The following GABRA2 variants were observed in gnomAD, a reference collection of about 807,000 sequenced individuals.
GABRA2 encodes the protein gamma-aminobutyric acid receptor subunit alpha-2.
Under a neutral mutation model 48.7 loss-of-function variants are expected in GABRA2, and 16 were observed. The observed-to-expected ratio is 0.33, with a 90% CI of 0.22 to 0.50. The LOEUF is 0.50. GABRA2 is among the 20% of genes least tolerant of loss of function. The pLI is 0.98. For missense variants in GABRA2, 275 were observed against 535.6 expected (o/e 0.51, Z 4.80); for synonymous variants, 185 against 184.5 (o/e 1.00, Z -0.02).
chr4:46,250,933 A>G (rs1422780006), intron 9 of GABRA2, among the ~76,000 whole-genome samples: 1 of 151,562 alleles, frequency 6.6e-6, no homozygotes, highest in African/African-American at 2.4e-5. Context: ...TGTCAAATGA[A>G]TGACTGAATG....
At chr4:46,356,217 A>T (rs1387777685) in intron 3 of GABRA2, among the ~76,000 whole-genome samples, 1 of 152,112 alleles carries the variant, frequency 6.6e-6, no homozygotes, top group East Asian at 1.9e-4. Flanking sequence ...AATCAAAATC[A>T]GCTTTCTTTT....
intron 3 of GABRA2, among the ~76,000 whole-genome samples, chr4:46,358,157 G>A (rs1302594824): frequency 2.6e-5 from 4 of 152,160 alleles, no homozygotes; most frequent in African/African-American, 4.8e-5. Flanking sequence ...ATTGAGGGAA[G>A]GAGTGCCAGC....
At position 46,244,422 on chromosome 4, in the gene GABRA2, T is replaced by C. The variant is rs1436455926; in HGVS notation, c.*5886A>G. 6.6e-6 allele frequency among the ~76,000 whole-genome samples: 1 copy of C among 151,610 alleles called. No homozygotes were observed. Among genetic ancestry groups the C allele is most frequent in the Non-Finnish European group, 1.5e-5 (1 of 67,700 alleles). On this transcript the variant is annotated 3_prime_UTR_variant, in exon 10 of 10. Transcript: ENST00000381620. The stretch of plus-strand genomic sequence containing the variant: ...AGCCAATGCAACATAGTTTGCCTTT[T>C]GGCATCATGTTATGGCAAAGTCTTC...
At chr4:46,367,039 C>CA (rs1283644515) in intron 3 of GABRA2, 1 of 152,012 alleles carries the variant, frequency 6.6e-6, no homozygotes, top group African/African-American at 2.4e-5. Context: ...AAAGCAGTAA[C>CA]AGCAGGGGCT....
intron 8 of GABRA2, among the ~76,000 whole-genome samples, chr4:46,274,520 C>T (rs188179945): frequency 6.6e-6 from 1 of 152,118 alleles, no homozygotes; most frequent in Admixed American, 6.6e-5. Flanking sequence ...GAAAAATGGG[C>T]CTTAAAGGCA....
At chr4:46,264,956 G>C (rs1194596205) in intron 8 of GABRA2, among the ~76,000 whole-genome samples, 2 of 108,468 alleles carry the variant, frequency 1.8e-5, no homozygotes, top group African/African-American at 6.2e-5. Context: ...TAAATTTTTG[G>C]CATACAATTG....
chr4:46,382,193 C>CACATAT (rs34058486), intron 3 of GABRA2, among the ~76,000 whole-genome samples: 37 of 148,440 alleles, frequency 2.5e-4, no homozygotes, highest in African/African-American at 8.2e-4. Context: ...CACACACACA[C>CACATAT]ATATATATAT....
At position 46,257,743 on chromosome 4, in the gene GABRA2, G is replaced by C. The variant is rs1289671768; in HGVS notation, c.1059+4183C>G. Among the ~76,000 whole-genome samples, 5 of 150,058 alleles carry C rather than the reference G, an allele frequency of 3.3e-5. No individual in the cohort carries two copies. The South Asian group carries it at 6.2e-4, about 19-fold the overall frequency. ...CTGACAGTAATGTAGAGATAGATAA[G>C]AAGAAGACATGATTAAAAATAGAAA... is the stretch of plus-strand genomic sequence containing the variant. On this transcript the variant is annotated intron_variant, in intron 9 of 9. Coordinates refer to ENST00000381620, the MANE Select transcript of GABRA2 (RefSeq NM_000807.4).
intron 4 of GABRA2, among the ~76,000 whole-genome samples, chr4:46,321,214 T>C (rs1477303462): frequency 2.0e-5 from 3 of 151,848 alleles, no homozygotes; most frequent in African/African-American, 7.2e-5. Flanking sequence ...GAATAAAATG[T>C]TGGCAGTTAC....
chr4:46,255,260 A>T (rs1250023984), intron 9 of GABRA2, among the ~76,000 whole-genome samples: 1 of 138,672 alleles, frequency 7.2e-6, no homozygotes, highest in Non-Finnish European at 1.5e-5. Context: ...TATGATAAAA[A>T]TGTATATATA....
intron 9 of GABRA2, 34 bp from the exon 10 acceptor site, chr4:46,250,638 G>T (rs764404981): frequency 5.4e-6 from 8 of 1,489,426 alleles, no homozygotes; most frequent in Middle Eastern, 1.8e-4. Context: ...CAGAGTGTGG[G>T]TTGAGTCTGC....
chr4:46,332,613 A>T lies in GABRA2; in HGVS notation c.255+2T>A. The T allele has an allele frequency of 6.4e-7, 1 of 1,568,756 alleles. No individual in the cohort carries two copies. Among genetic ancestry groups the T allele is most frequent in the Non-Finnish European group, 8.8e-7 (1 of 1,139,364 alleles). On this transcript the variant is annotated splice_donor_variant, in intron 4 of 9. Transcript: ENST00000381620. LOFTEE classifies it high-confidence loss of function. ...AAAAATACTATTTAATGAAAAACTC[A>T]CCATATCTGTATCTGAGACAGGGCC... is the stretch of plus-strand genomic sequence containing the variant.
At chr4:46,310,327 A>C in intron 5 of GABRA2, 72 bp from the exon 6 acceptor site, 17 of 1,037,528 alleles carry the variant, frequency 1.6e-5, no homozygotes, top group Non-Finnish European at 2.3e-5. Context: ...CATTACTCTC[A>C]ACAGACTCGA....
At chr4:46,256,139 A>C (rs952195412) in intron 9 of GABRA2, 5 of 484,222 alleles carry the variant, frequency 1.0e-5, no homozygotes, top group African/African-American at 9.9e-5. Flanking sequence ...CATTGGTCAG[A>C]TAATGCTATT....
chr4:46,388,051 CTG>C (rs1560617502), intron 2 of GABRA2, among the ~76,000 whole-genome samples: 1 of 152,014 alleles, frequency 6.6e-6, no homozygotes, highest in Admixed American at 6.6e-5. Context: ...GTACTCCTGA[CTG>C]TAAGCATTTG....
chr4:46,291,804 T>C (rs1229305784), intron 8 of GABRA2, among the ~76,000 whole-genome samples: 2 of 143,594 alleles, frequency 1.4e-5, no homozygotes, highest in African/African-American at 2.5e-5. Flanking sequence ...TATACATATA[T>C]ATGTGTATAT....
chr4:46,377,468 C>T lies in GABRA2; in HGVS notation c.187+8606G>A, dbSNP rs533855485. On this transcript the variant is annotated intron_variant, in intron 3 of 9. Transcript: ENST00000381620. ...GAGACCCTCTGCCTGGCAACCGCCC[C>T]GTCTGAGAAGTGAGGAGCCCCTCCG... 6.0e-5 allele frequency among the ~76,000 whole-genome samples: 8 copies of T among 133,788 alleles called. No homozygotes were observed. In the South Asian group the frequency reaches 9.2e-4, roughly 15 times the overall value. The allele number at this position is 133,788 out of a possible 152,430, so 87.8% of individuals were successfully genotyped here. A position where few individuals can be genotyped will look rare whatever the true frequency, so the allele number is the denominator to read the frequency against.
chr4:46,313,524 C>T (rs2109699298), intron 4 of GABRA2, among the ~76,000 whole-genome samples: 1 of 151,948 alleles, frequency 6.6e-6, no homozygotes, highest in South Asian at 2.1e-4. Context: ...TGATCATGTC[C>T]TCTATTATTT....
At chr4:46,268,246 A>G (rs1718641862) in intron 8 of GABRA2, among the ~76,000 whole-genome samples, 1 of 151,972 alleles carries the variant, frequency 6.6e-6, no homozygotes, top group Admixed American at 6.6e-5. Context: ...AAAAATTAAC[A>G]GAGTGATAAA....
Sources: allele counts gnomAD v4.1 joint callset (sites outside exome capture counted in the v4.1 genomes callset), GRCh38; gene constraint gnomAD v4.1.1; transcripts MANE v1.5; gene names NCBI Gene and HGNC (gene_info 2026-07-23, HGNC 2026-07-21).